Variants in ZIM2 observed in about 807,000 individuals in gnomAD.
ZIM2 encodes zinc finger protein 656.
Under a neutral mutation model 38.6 loss-of-function variants are expected in ZIM2, and 14 were observed. That is an observed-to-expected ratio of 0.36 (90% CI 0.24 to 0.57). The LOEUF is 0.57. Ranked by LOEUF, ZIM2 falls within the 20% of genes least tolerant of loss-of-function variation. The pLI is 0.81. For synonymous variants in ZIM2, 247 were observed against 245.8 expected (o/e 1.00, Z -0.04); for missense variants, 680 against 695.1 (o/e 0.98, Z 0.24).
At chr19:56,782,147 G>A (rs1568567120) in intron 10 of ZIM2, 26 bp from the exon 11 acceptor site, 5 of 1,609,238 alleles carry the variant, frequency 3.1e-6, no homozygotes, top group Admixed American at 1.7e-5. Flanking sequence ...GAGAAGGGAC[G>A]TGATTAGAGA....
chr19:56,793,447 G>C (rs559173816), intron 9 of ZIM2, among the ~76,000 whole-genome samples: 1 of 152,152 alleles, frequency 6.6e-6, no homozygotes, highest in Non-Finnish European at 1.5e-5. Context: ...CGGTAGGCAG[G>C]GCTGTATCAG....
At chr19:56,821,504 G>T in intron 7 of ZIM2, 147 bp downstream of exon 7, 1 of 925,794 alleles carries the variant, frequency 1.1e-6, no homozygotes, top group Non-Finnish European at 1.6e-6. Context: ...TCACCTAAGG[G>T]ATGGGCCCGG....
chr19:56,814,287 C>A lies in ZIM2; in HGVS notation c.490+3459G>T, dbSNP rs756167154. The A allele has an allele frequency of 4.3e-6, 7 of 1,613,810 alleles. No individual in the cohort carries two copies. In the East Asian group the frequency reaches 1.6e-4, roughly 36 times the overall value. Reference sequence around the variant, plus strand: ...CCTCTACGTTTAAGCCCTGAATCCTCAGAACTACTTGTGGAACATGGACAT... The same window carrying A: ...CCTCTACGTTTAAGCCCTGAATCCTAAGAACTACTTGTGGAACATGGACAT... On this transcript the variant is annotated intron_variant, in intron 9 of 12. Transcript: ENST00000629319. This position sits in a 1 kb window ranked among gnomAD's most constrained non-coding sequence, Gnocchi z 5.8.
intron 2 of ZIM2, among the ~76,000 whole-genome samples, chr19:56,832,040 C>G (rs1204678064): frequency 6.6e-6 from 1 of 152,120 alleles, no homozygotes; most frequent in East Asian, 1.9e-4. Context: ...TGGAAGAAAA[C>G]TCACATAAAC....
intron 2 of ZIM2, among the ~76,000 whole-genome samples, chr19:56,829,618 C>A (rs1270356114): frequency 1.3e-5 from 2 of 152,224 alleles, no homozygotes; most frequent in African/African-American, 4.8e-5. Flanking sequence ...TCCTGCAGGG[C>A]TACCTGACAC....
intron 9 of ZIM2, chr19:56,813,910 G>C (rs1216979385): frequency 1.9e-6 from 3 of 1,614,060 alleles, no homozygotes; most frequent in African/African-American, 1.3e-5. Context: ...GAAGGTTTCT[G>C]TGCATTCATG....
chr19:56,785,025 T>C lies in ZIM2; in HGVS notation c.571-2904A>G, dbSNP rs144426640. Among the ~76,000 whole-genome samples the C allele has an allele frequency of 7.5e-3, 1,146 of 152,202 alleles. 12 individuals carry two copies. The highest frequency in any genetic ancestry group is 0.026 in the African/African-American group (1,090 of 41,472). ...GGTTTATTTGGCTCACGTGGTCCTATTGTTTTTTAAAAATTTGTATTAGCT... is the reference window on the plus strand; with the variant it reads ...GGTTTATTTGGCTCACGTGGTCCTACTGTTTTTTAAAAATTTGTATTAGCT... On this transcript the variant is annotated intron_variant, in intron 10 of 12. Transcript: ENST00000629319.
Position 56,774,797 on chromosome 19 carries a change from C to G in ZIM2, c.1568G>C (p.Arg523Thr). Residue 523 changes from arginine to threonine, a missense_variant, in exon 13 of 13, where the codon AGG (arginine) becomes ACG (threonine). Coordinates refer to ENST00000629319, the MANE Select transcript of ZIM2 (RefSeq NM_001387356.1). ...IQHYRTHTQE[R>T]PYQCQLCGKC... ...CCCACATAGCTGACACTGGTAAGGC[C>G]TCTCTTGAGTGTGAGTTCTATAATG... 1 of 1,614,128 alleles carries G rather than the reference C, an allele frequency of 6.2e-7. No individual in the cohort carries two copies. The highest frequency in any genetic ancestry group is 8.5e-7 in the Non-Finnish European group (1 of 1,180,022).
At chr19:56,816,279 A>G in intron 9 of ZIM2, 3 of 1,613,986 alleles carry the variant, frequency 1.9e-6, no homozygotes, top group Non-Finnish European at 2.5e-6. Context: ...TATGAATGAC[A>G]GATTTCTCAT....
chr19:56,804,342 C>T (rs1750997559), intron 9 of ZIM2, among the ~76,000 whole-genome samples: 2 of 152,326 alleles, frequency 1.3e-5, no homozygotes, highest in Non-Finnish European at 2.9e-5. Flanking sequence ...AGAAAGTTGT[C>T]CCAAGAATTG....
intron 9 of ZIM2, chr19:56,816,673 T>C: frequency 1.1e-5 from 17 of 1,614,086 alleles, no homozygotes; most frequent in Admixed American, 1.7e-5. Context: ...CTCATTATCT[T>C]TGTCATCCCC....
chr19:56,810,710 A>G (rs2048079133), intron 9 of ZIM2: 1 of 983,662 alleles, frequency 1.0e-6, no homozygotes, highest in South Asian at 4.7e-5. Context: ...CTTTTCATTT[A>G]AGACTTTATG....
At chr19:56,779,066 T>G (rs1047214765) in intron 12 of ZIM2, among the ~76,000 whole-genome samples, 4 of 152,022 alleles carry the variant, frequency 2.6e-5, no homozygotes, top group Admixed American at 2.0e-4. Flanking sequence ...ACAAGTGGTA[T>G]CAGGCCAGGA....
intron 2 of ZIM2, among the ~76,000 whole-genome samples, chr19:56,828,400 T>C (rs886813025): frequency 6.6e-6 from 1 of 152,200 alleles, no homozygotes. Context: ...ATCTTGGCAA[T>C]TCCACTTCTG....
intron 11 of ZIM2, among the ~76,000 whole-genome samples, chr19:56,780,783 G>T (rs73623065): frequency 0.044 from 6,631 of 152,178 alleles, 481 homozygotes; most frequent in African/African-American, 0.15. Flanking sequence ...TATTCTCTAC[G>T]TGATACCATC....
At chr19:56,815,516 C>T in intron 9 of ZIM2, 1 of 1,614,084 alleles carries the variant, frequency 6.2e-7, no homozygotes, top group Non-Finnish European at 8.5e-7. Context: ...GCAAAGCACT[C>T]CCCACACTCC....
chr19:56,800,931 T>C (rs2047490816), intron 9 of ZIM2, among the ~76,000 whole-genome samples: 1 of 151,280 alleles, frequency 6.6e-6, no homozygotes, highest in Non-Finnish European at 1.5e-5. Context: ...CTTGATGGTA[T>C]TACTTTTTTT....
At chr19:56,823,897 C>T (rs1214729962) in intron 4 of ZIM2, among the ~76,000 whole-genome samples, 1 of 152,132 alleles carries the variant, frequency 6.6e-6, no homozygotes, top group East Asian at 1.9e-4. Context: ...ACCCCGACCT[C>T]ACCCCCAGAC....
At chr19:56,821,594 C>A in intron 7 of ZIM2, 57 bp downstream of exon 7, 1 of 1,595,098 alleles carries the variant, frequency 6.3e-7, no homozygotes, top group Non-Finnish European at 8.6e-7. Flanking sequence ...GAAAGAAAGG[C>A]GTCTCTGCCA....
Sources: gnomAD v4.1 joint callset for allele counts (sites outside exome capture counted in the v4.1 genomes callset) on GRCh38, gnomAD v4.1.1 for gene constraint, Gnocchi (gnomAD v3.1) non-coding constraint, MANE v1.5 for transcripts, NCBI Gene and HGNC (gene_info 2026-07-23, HGNC 2026-07-21) for gene names.